The following PMS1 variants were observed in gnomAD, a reference collection of about 807,000 sequenced individuals.
PMS1 encodes the protein PMS1 homolog 1, mismatch repair system component, also known as PMS1 protein homolog 1.
Under a neutral mutation model 93.1 loss-of-function variants are expected in PMS1, and 79 were observed. That is an observed-to-expected ratio of 0.85 (90% CI 0.71 to 1.02). PMS1 has a LOEUF of 1.02. Ranked by LOEUF, PMS1 falls within the 50% of genes least tolerant of loss-of-function variation. The probability of loss-of-function intolerance (pLI) is 0.00; values close to 1 mark genes in which losing one functional copy is unlikely to be tolerated. For missense variants in PMS1, 1,064 were observed against 1,085.3 expected, an observed-to-expected ratio of 0.98 and a Z score of 0.28; for synonymous variants, 335 against 363.4, an observed-to-expected ratio of 0.92 and a Z score of 0.89.
rs555080335 is a variant in PMS1 at position 189,857,566 on chromosome 2, CCTT to C, written c.1856+2445_1856+2447del. The C allele has an allele frequency of 6.5e-4, 263 of 407,688 alleles. 2 individuals are homozygous for C. Among genetic ancestry groups the C allele is most frequent in the African/African-American group, 5.1e-3 (241 of 47,324 alleles). 25.3% of individuals were successfully genotyped at this position (407,688 alleles called of 1,614,324 possible). A position where few individuals can be genotyped will look rare whatever the true frequency, so the allele number is the denominator to read the frequency against. On this transcript the variant is annotated intron_variant, in intron 9 of 12. Coordinates refer to ENST00000441310, the MANE Select transcript of PMS1 (RefSeq NM_000534.5). ...TAGACCTTCAGTCCATCCTTTTCTT[CCTT>C]CTTCTTTTTTTCTTCCTTTTTTCCT...
Position 189,836,382 on chromosome 2 carries a change from T to C in PMS1, c.583-7582T>C, listed in dbSNP as rs147003176. Among the ~76,000 whole-genome samples the C allele has an allele frequency of 6.1e-3, 925 of 152,352 alleles. 19 individuals carry two copies. The highest frequency in any genetic ancestry group is 0.021 in the African/African-American group (854 of 41,598). ...GGCACATCCAGGTGCTCCAACTTTGTGTGACCTAGATAGAAAACATATGGA... is the reference window on the plus strand; with the variant it reads ...GGCACATCCAGGTGCTCCAACTTTGCGTGACCTAGATAGAAAACATATGGA... On this transcript the variant is annotated intron_variant, in intron 5 of 12. Coordinates refer to ENST00000441310, the MANE Select transcript of PMS1 (RefSeq NM_000534.5).
At chr2:189,816,570 C>T (rs2051321205) in intron 4 of PMS1, among the ~76,000 whole-genome samples, 1 of 152,086 alleles carries the variant, frequency 6.6e-6, no homozygotes, top group Non-Finnish European at 1.5e-5. Flanking sequence ...TGCACTTAAG[C>T]CTTTAACTCA....
At chr2:189,791,999 G>A (rs2106213887) in intron 2 of PMS1, 58 bp downstream of exon 2, 2 of 1,463,008 alleles carry the variant, frequency 1.4e-6, no homozygotes, top group South Asian at 1.2e-5. Flanking sequence ...CTGGACACAT[G>A]TTTTCTCCTT....
chr2:189,791,382 G>C (rs923212073), intron 1 of PMS1, among the ~76,000 whole-genome samples: 1 of 152,142 alleles, frequency 6.6e-6, no homozygotes, highest in African/African-American at 2.4e-5. Flanking sequence ...TACTTTGGGA[G>C]GCCAAGGCAG....
intron 3 of PMS1, among the ~76,000 whole-genome samples, chr2:189,801,105 TTCC>T (rs2049849411): frequency 6.6e-6 from 1 of 152,218 alleles, no homozygotes; most frequent in African/African-American, 2.4e-5. Flanking sequence ...TCAAGCAATC[TTCC>T]TGCTTCAGCC....
At chr2:189,787,596 C>T (rs5742957) in intron 1 of PMS1, among the ~76,000 whole-genome samples, 197 of 33,292 alleles carry the variant, frequency 5.9e-3, no homozygotes, top group African/African-American at 0.016. Flanking sequence ...ATTAACTTCA[C>T]TTTTTTATTT....
chr2:189,843,383 A>T (rs2053980487), intron 5 of PMS1, among the ~76,000 whole-genome samples: 1 of 152,198 alleles, frequency 6.6e-6, no homozygotes, highest in South Asian at 2.1e-4. Flanking sequence ...TTCAGCTTTT[A>T]TGTTTACAGA....
At chr2:189,826,782 A>T (rs573853060) in intron 5 of PMS1, among the ~76,000 whole-genome samples, 12 of 152,302 alleles carry the variant, frequency 7.9e-5, no homozygotes, top group Middle Eastern at 6.8e-3. Context: ...GGAGGGCTGC[A>T]TCTAGTTCAT....
chr2:189,861,351 A>T (rs1344519823), intron 9 of PMS1, among the ~76,000 whole-genome samples: 1 of 150,848 alleles, frequency 6.6e-6, no homozygotes, highest in Non-Finnish European at 1.5e-5. Flanking sequence ...CTGGCAACTA[A>T]TTCTCATCTT....
chr2:189,798,153 A>C (rs1038238192), intron 3 of PMS1, among the ~76,000 whole-genome samples: 13 of 152,194 alleles, frequency 8.5e-5, no homozygotes, highest in Admixed American at 6.5e-5. Context: ...TCACTGCCTC[A>C]GCATTGCTAG....
chr2:189,835,184 A>G (rs2053277792), intron 5 of PMS1, among the ~76,000 whole-genome samples: 1 of 152,228 alleles, frequency 6.6e-6, no homozygotes, highest in African/African-American at 2.4e-5. Context: ...TTCAGGAAAA[A>G]TAATTATGCA....
At chr2:189,866,980 TCTC>T (rs2056716953) in intron 10 of PMS1, among the ~76,000 whole-genome samples, 1 of 152,148 alleles carries the variant, frequency 6.6e-6, no homozygotes, top group African/African-American at 2.4e-5. Flanking sequence ...AAAGCTCTCT[TCTC>T]TATAATATTA....
At chr2:189,823,647 T>C (rs1013829738) in intron 5 of PMS1, among the ~76,000 whole-genome samples, 11 of 152,242 alleles carry the variant, frequency 7.2e-5, no homozygotes, top group African/African-American at 2.7e-4. Context: ...TTAAAAAAAG[T>C]ATTTATTGAA....
intron 5 of PMS1, among the ~76,000 whole-genome samples, chr2:189,835,944 T>G (rs1007316582): frequency 2.7e-5 from 4 of 150,502 alleles, no homozygotes; most frequent in Non-Finnish European, 5.9e-5. Context: ...TGGTGCTGCT[T>G]CTTGTTTGGT....
chr2:189,859,085 G>T (rs967955495), intron 9 of PMS1, among the ~76,000 whole-genome samples: 2 of 152,086 alleles, frequency 1.3e-5, no homozygotes, highest in African/African-American at 4.8e-5. Context: ...TAATTCTCTA[G>T]TCCCAAGTTT....
intron 6 of PMS1, among the ~76,000 whole-genome samples, chr2:189,845,938 G>C (rs972076246): frequency 2.0e-5 from 3 of 151,942 alleles, no homozygotes; most frequent in African/African-American, 7.2e-5. Context: ...TGGCCGGGCT[G>C]GTCTCAAACT....
chr2:189,835,990 C>T (rs1026178209), intron 5 of PMS1, among the ~76,000 whole-genome samples: 42 of 150,458 alleles, frequency 2.8e-4, no homozygotes, highest in African/African-American at 9.0e-4. Context: ...CTTAGTACAT[C>T]TGTGCCTACA....
At chr2:189,841,845 C>T (rs1431955424) in intron 5 of PMS1, among the ~76,000 whole-genome samples, 1 of 178 alleles carries the variant, frequency 5.6e-3, no homozygotes, top group Non-Finnish European at 0.014. Context: ...CCTCCATAAT[C>T]ATCAAATATT....
chr2:189,817,954 G>A (rs2051471708), intron 4 of PMS1, 63 bp from the exon 5 acceptor site: 5 of 1,218,928 alleles, frequency 4.1e-6, no homozygotes, highest in Non-Finnish European at 4.8e-6. Context: ...AATTGTATAC[G>A]GATTTGAAGA....
Sources: allele counts gnomAD v4.1 joint callset (sites outside exome capture counted in the v4.1 genomes callset), GRCh38; gene constraint gnomAD v4.1.1; transcripts MANE v1.5; gene names NCBI Gene and HGNC (gene_info 2026-07-23, HGNC 2026-07-21).